The following SLIT3 variants were observed in gnomAD, a reference collection of about 807,000 sequenced individuals.
SLIT3 encodes the protein slit homolog 3 protein.
A neutral mutation model predicts 184.0 loss-of-function variants in SLIT3; 68 were observed. That is an observed-to-expected ratio of 0.37 (90% CI 0.30 to 0.45). SLIT3 has a LOEUF of 0.45. Among genes scored for constraint, SLIT3 ranks in the 20% least tolerant of loss-of-function variants. The pLI is 1.00. For synonymous variants in SLIT3, 831 were observed against 828.6 expected (o/e 1.00, Z -0.05); for missense variants, 1,707 against 2,026.0 (o/e 0.84, Z 3.02).
At chr5:169,246,842 C>A (rs1207695333) in intron 2 of SLIT3, among the ~76,000 whole-genome samples, 3 of 148,276 alleles carry the variant, frequency 2.0e-5, no homozygotes, top group African/African-American at 7.6e-5. Flanking sequence ...TTGCTTGAAC[C>A]CAGGAGGCAG....
chr5:169,106,121 G>T (rs921530986), intron 4 of SLIT3, among the ~76,000 whole-genome samples: 1 of 152,138 alleles, frequency 6.6e-6, no homozygotes, highest in Non-Finnish European at 1.5e-5. Flanking sequence ...TAGGTGATGG[G>T]TTGATGTGTG....
At chr5:168,903,266 T>C (rs991167779) in intron 4 of SLIT3, among the ~76,000 whole-genome samples, 2 of 152,290 alleles carry the variant, frequency 1.3e-5, no homozygotes, top group East Asian at 1.9e-4. Context: ...CACATACACA[T>C]AGGGCTGGAG....
intron 4 of SLIT3, among the ~76,000 whole-genome samples, chr5:168,885,829 C>T (rs1192940956): frequency 1.3e-5 from 2 of 152,186 alleles, no homozygotes; most frequent in Admixed American, 1.3e-4. Context: ...TCCCATAATA[C>T]ACTGGGAGGA....
chr5:169,267,617 T>C (rs1022628248), intron 1 of SLIT3, among the ~76,000 whole-genome samples: 10 of 152,244 alleles, frequency 6.6e-5, no homozygotes, highest in African/African-American at 2.4e-4. Context: ...TTATCCAAAC[T>C]TGAATACTTT....
At chr5:168,838,685 C>T (rs1459525985) in intron 6 of SLIT3, among the ~76,000 whole-genome samples, 7 of 152,138 alleles carry the variant, frequency 4.6e-5, no homozygotes, top group South Asian at 2.1e-4. Flanking sequence ...AGAGTGAGCA[C>T]ACCCTGACCT....
intron 4 of SLIT3, among the ~76,000 whole-genome samples, chr5:169,164,417 T>C (rs1762570864): frequency 6.6e-6 from 1 of 152,234 alleles, no homozygotes; most frequent in Non-Finnish European, 1.5e-5. Flanking sequence ...TCAACTGTTT[T>C]AAGTAGAAAT....
chr5:168,963,717 CTG>C (rs1206868883), intron 4 of SLIT3, among the ~76,000 whole-genome samples: 4 of 152,242 alleles, frequency 2.6e-5, no homozygotes, highest in Non-Finnish European at 5.9e-5. Flanking sequence ...TAGGCAGTTG[CTG>C]CGAGACAAAC....
At chr5:169,235,857 A>G (rs1342317431) in intron 3 of SLIT3, among the ~76,000 whole-genome samples, 1 of 152,232 alleles carries the variant, frequency 6.6e-6, no homozygotes, top group Non-Finnish European at 1.5e-5. Flanking sequence ...TCGAAAGTAC[A>G]TACTATCAAA....
chr5:168,987,465 TA>T (rs554901005), intron 4 of SLIT3, among the ~76,000 whole-genome samples: 147 of 152,340 alleles, frequency 9.6e-4, no homozygotes, highest in African/African-American at 3.2e-3. Flanking sequence ...TGTGTCACCT[TA>T]AAAATGTACT....
intron 4 of SLIT3, among the ~76,000 whole-genome samples, chr5:169,083,484 A>G (rs968620357): frequency 1.3e-5 from 2 of 152,216 alleles, no homozygotes; most frequent in Non-Finnish European, 2.9e-5. Context: ...GAGGGCTATC[A>G]GCACGCCTTA....
intron 4 of SLIT3, among the ~76,000 whole-genome samples, chr5:168,887,552 T>G (rs1256369585): frequency 6.6e-6 from 1 of 152,182 alleles, no homozygotes; most frequent in African/African-American, 2.4e-5. Flanking sequence ...TGATTACACG[T>G]AGAGCACCGT....
intron 6 of SLIT3, among the ~76,000 whole-genome samples, chr5:168,834,901 TACCCACCCAC>T (rs1757997878): frequency 6.6e-6 from 1 of 151,926 alleles, no homozygotes; most frequent in Admixed American, 6.6e-5. Context: ...CCAGACAGGG[TACCCACCCAC>T]ACTTCGCTCC....
At chr5:169,261,767 C>G (rs544160060) in intron 1 of SLIT3, among the ~76,000 whole-genome samples, 2 of 152,286 alleles carry the variant, frequency 1.3e-5, no homozygotes, top group South Asian at 4.1e-4. Flanking sequence ...TGGGCAGAAC[C>G]TAGAGACCTG....
intron 10 of SLIT3, among the ~76,000 whole-genome samples, chr5:168,793,991 A>C (rs1756477636): frequency 6.6e-6 from 1 of 152,252 alleles, no homozygotes; most frequent in Admixed American, 6.5e-5. Context: ...GCACCAGAAG[A>C]AAAGCTTGTT....
chr5:169,219,206 C>G (rs551729477), intron 3 of SLIT3, among the ~76,000 whole-genome samples: 30 of 152,298 alleles, frequency 2.0e-4, no homozygotes, highest in African/African-American at 6.0e-4. Context: ...CCACAGGAGA[C>G]GACTGTCCCA....
chr5:169,111,887 C>G (rs954392656), intron 4 of SLIT3, among the ~76,000 whole-genome samples: 2 of 152,186 alleles, frequency 1.3e-5, no homozygotes, highest in African/African-American at 2.4e-5. Context: ...GGATACTGTA[C>G]TAGATATCTG....
chr5:168,673,465 A>G (rs1347902896), intron 32 of SLIT3, 134 bp from the exon 33 acceptor site: 3 of 832,988 alleles, frequency 3.6e-6, no homozygotes, highest in African/African-American at 1.8e-5. Context: ...TTAAACTTAC[A>G]TAAGTTGCAA....
At chr5:168,988,586 C>T (rs1210317762) in intron 4 of SLIT3, among the ~76,000 whole-genome samples, 2 of 152,112 alleles carry the variant, frequency 1.3e-5, no homozygotes, top group Non-Finnish European at 2.9e-5. Flanking sequence ...TGGGAAATAG[C>T]AAAACAGGGC....
chr5:168,705,530 T>C (rs1327416009), intron 26 of SLIT3, among the ~76,000 whole-genome samples: 1 of 151,994 alleles, frequency 6.6e-6, no homozygotes, highest in African/African-American at 2.4e-5. Context: ...ACCGATACCA[T>C]CACCATCATC....
Sources: allele counts gnomAD v4.1 joint callset (sites outside exome capture counted in the v4.1 genomes callset), GRCh38; gene constraint gnomAD v4.1.1; transcripts MANE v1.5; gene names NCBI Gene and HGNC (gene_info 2026-07-23, HGNC 2026-07-21).